Variants in CPNE9 observed in about 807,000 individuals in gnomAD.
CPNE9 encodes copine family member 9.
In CPNE9, 59 loss-of-function variants were observed where a neutral mutation model predicts 83.0. That is an observed-to-expected ratio of 0.71 (90% CI 0.58 to 0.88). CPNE9 has a LOEUF of 0.88. Ranked by LOEUF, CPNE9 falls within the 40% of genes least tolerant of loss-of-function variation. The pLI is 0.00. For missense variants in CPNE9, 619 were observed against 720.8 expected, an observed-to-expected ratio of 0.86 and a Z score of 1.62; for synonymous variants, 256 against 273.4, an observed-to-expected ratio of 0.94 and a Z score of 0.63.
At chr3:9,705,149 T>C (rs2076549226) in intron 4 of CPNE9, 155 bp downstream of exon 4, 1 of 675,352 alleles carries the variant, frequency 1.5e-6, no homozygotes, top group African/African-American at 1.8e-5. Context: ...GCCCTGCCCT[T>C]TTATGAGATG....
At position 9,729,802 on chromosome 3, in the gene CPNE9, A is replaced by T. The variant is rs1337886530; in HGVS notation, c.*110A>T. ...GACTTCACTGGGAGGGCCAACTTGG[A>T]GGATCAGTGCTGGCTGACAAGCCCT... On this transcript the variant is annotated 3_prime_UTR_variant, in exon 21 of 21. Transcript: ENST00000383832. The T allele has an allele frequency of 6.9e-7, 1 of 1,440,920 alleles. No individual in the cohort carries two copies. The highest frequency in any genetic ancestry group is 2.5e-5 in the East Asian group (1 of 40,164). 89.3% of individuals were successfully genotyped at this position (1,440,920 alleles called of 1,614,324 possible). A position where few individuals can be genotyped will look rare whatever the true frequency, so the allele number is the denominator to read the frequency against.
At chr3:9,706,837 G>C (rs1464843281) in intron 7 of CPNE9, among the ~76,000 whole-genome samples, 1 of 152,196 alleles carries the variant, frequency 6.6e-6, no homozygotes, top group Non-Finnish European at 1.5e-5. Flanking sequence ...AGGCAGAGGA[G>C]ACTGCCAGTG....
intron 7 of CPNE9, among the ~76,000 whole-genome samples, chr3:9,711,075 G>T (rs1271529073): frequency 1.3e-5 from 2 of 152,094 alleles, no homozygotes; most frequent in Non-Finnish European, 2.9e-5. Context: ...GCAAGGGAAT[G>T]ATTATTATAA....
At chr3:9,722,798 A>G (rs1286218751) in intron 17 of CPNE9, among the ~76,000 whole-genome samples, 4 of 152,084 alleles carry the variant, frequency 2.6e-5, no homozygotes, top group Admixed American at 2.6e-4. Context: ...CTTAGATGTG[A>G]GCCACCAGGT....
intron 20 of CPNE9, among the ~76,000 whole-genome samples, chr3:9,729,017 C>T (rs2076807180): frequency 6.6e-6 from 1 of 152,054 alleles, no homozygotes; most frequent in South Asian, 2.1e-4. Flanking sequence ...TGAAATCATC[C>T]AGGAAGAGAG....
chr3:9,707,967 C>T (rs1026469917), intron 7 of CPNE9, among the ~76,000 whole-genome samples: 5 of 152,146 alleles, frequency 3.3e-5, no homozygotes, highest in African/African-American at 1.2e-4. Flanking sequence ...AAGACAGGCT[C>T]TCACTCTGTA....
chr3:9,714,584 A>G (rs1384228196), intron 10 of CPNE9, among the ~76,000 whole-genome samples: 2 of 150,062 alleles, frequency 1.3e-5, no homozygotes, highest in African/African-American at 2.4e-5. Context: ...GTTAAATGAG[A>G]CAATCTGTGA....
intron 7 of CPNE9, among the ~76,000 whole-genome samples, chr3:9,710,015 A>AATTTAACATGAGATAAATT (rs2076610929): frequency 1.3e-5 from 2 of 151,830 alleles, no homozygotes; most frequent in African/African-American, 2.4e-5. Context: ...AGAAAAAAAA[A>AATTTAACATGAGATAAATT]ATTTAACATG....
chr3:9,725,637 C>T lies in CPNE9; in HGVS notation c.1242-312C>T, dbSNP rs1298577194. On this transcript the variant is annotated intron_variant, in intron 17 of 20. Transcript: ENST00000383832. ...ATACATGTGTATATATATGTATATA[C>T]ATGTATGTGTATATATGTGTATATA... Among the ~76,000 whole-genome samples, 50 of 33,838 alleles carry T rather than the reference C, an allele frequency of 1.5e-3. No individual in the cohort carries two copies. In the African/African-American group the frequency reaches 0.022, roughly 15 times the overall value. The allele number at this position is 33,838 out of a possible 152,430, so 22.2% of individuals were successfully genotyped here.
Position 9,715,460 on chromosome 3 carries a change from C to T in CPNE9, c.769-13C>T, listed in dbSNP as rs1181128322. ...CTTTGTTTCTCATCATCACTGTTAC[C>T]TCCTCCCCTTAGGTTCTTAACCCTC... On this transcript the variant is annotated splice_polypyrimidine_tract_variant and intron_variant, in intron 12 of 20. Coordinates refer to ENST00000383832, the MANE Select transcript of CPNE9 (RefSeq NM_153635.3). 1 of 1,613,566 alleles carries T rather than the reference C, an allele frequency of 6.2e-7. No individual in the cohort carries two copies. Among genetic ancestry groups the T allele is most frequent in the Admixed American group, 1.7e-5 (1 of 60,020 alleles).
At chr3:9,725,690 A>ATG (rs1491238260) in intron 17 of CPNE9, among the ~76,000 whole-genome samples, 3 of 41,880 alleles carry the variant, frequency 7.2e-5, no homozygotes, top group African/African-American at 2.7e-4. Flanking sequence ...ATATATATAC[A>ATG]TATATGTGTA....
At chr3:9,706,144 A>G (rs1325187451) in intron 7 of CPNE9, 81 bp downstream of exon 7, 1 of 1,427,390 alleles carries the variant, frequency 7.0e-7, no homozygotes, top group Non-Finnish European at 9.7e-7. Context: ...GACTGATAGA[A>G]GTGGAGGCTG....
At chr3:9,718,673 C>G (rs2076707848) in intron 17 of CPNE9, 71 bp downstream of exon 17, 10 of 1,545,158 alleles carry the variant, frequency 6.5e-6, no homozygotes, top group Non-Finnish European at 8.8e-6. Context: ...CAAGGATAGT[C>G]AGGAGCACTC....
At chr3:9,725,682 ATATATACATATATG>A (rs2076776283) in intron 17 of CPNE9, among the ~76,000 whole-genome samples, 7 of 123,014 alleles carry the variant, frequency 5.7e-5, no homozygotes, top group African/African-American at 1.2e-4. Flanking sequence ...ATGTGTATAT[ATATATACATATATG>A]TGTATATATG....
chr3:9,718,694 A>G (rs2076708024), intron 17 of CPNE9, 92 bp downstream of exon 17: 5 of 1,491,312 alleles, frequency 3.4e-6, no homozygotes, highest in South Asian at 1.3e-5. Flanking sequence ...TAAGTAATTT[A>G]GGATGATTTG....
rs752473639 is a variant in CPNE9 at position 9,706,004 on chromosome 3, G to A, written c.318G>A (p.Ala106=). ...CTGCATAGGATTTCCTGGGACAAGC[G>A]TTCCTGGCCCTGGGAGAGGTGATTG... ...ISKPKDFLGQ[A]FLALGEVIGG... The change falls in exon 7 of 21, where the codon GCG becomes GCA. Residue 106 remains alanine, a synonymous_variant. Coordinates refer to ENST00000383832, the MANE Select transcript of CPNE9 (RefSeq NM_153635.3). 18 of 1,613,608 alleles carry A rather than the reference G, an allele frequency of 1.1e-5. No homozygotes were observed. Among genetic ancestry groups the A allele is most frequent in the Admixed American group, 3.3e-5 (2 of 60,016 alleles).
rs2076700346 is a variant in CPNE9 at position 9,718,019 on chromosome 3, G to T, written c.932-10G>T. The T allele has an allele frequency of 6.3e-7, 1 of 1,591,972 alleles. No homozygotes were observed. Among genetic ancestry groups the T allele is most frequent in the South Asian group, 1.1e-5 (1 of 88,290 alleles). Reference sequence around the variant, plus strand: ...ATGATCATGAGGCTGGGGTTCCTGTGTCCCTACAGGGAATCCTCTGCAGCC... The same window carrying T: ...ATGATCATGAGGCTGGGGTTCCTGTTTCCCTACAGGGAATCCTCTGCAGCC... On this transcript the variant is annotated splice_polypyrimidine_tract_variant and intron_variant, in intron 15 of 20. Transcript: ENST00000383832.
intron 20 of CPNE9, among the ~76,000 whole-genome samples, chr3:9,728,761 C>CA (rs1471953679): frequency 6.6e-6 from 1 of 151,626 alleles, no homozygotes; most frequent in Admixed American, 6.6e-5. Context: ...TCTCCCCCCA[C>CA]ATCTCATTTC....
intron 17 of CPNE9, among the ~76,000 whole-genome samples, chr3:9,721,982 G>A (rs965681444): frequency 3.3e-5 from 5 of 150,966 alleles, no homozygotes; most frequent in Non-Finnish European, 7.4e-5. Context: ...GCAGTGGCAC[G>A]ATCTCAGCTC....
Sources: allele counts gnomAD v4.1 joint callset (sites outside exome capture counted in the v4.1 genomes callset), GRCh38; gene constraint gnomAD v4.1.1; transcripts MANE v1.5; gene names NCBI Gene and HGNC (gene_info 2026-07-23, HGNC 2026-07-21).